The following ADAMTS19 variants were observed in gnomAD, a reference collection of about 807,000 sequenced individuals.
ADAMTS19 encodes ADAM metallopeptidase with thrombospondin type 1 motif 19.
In ADAMTS19, 93 loss-of-function variants were observed where a neutral mutation model predicts 153.3. The observed-to-expected ratio is 0.61, with a 90% CI of 0.51 to 0.72. ADAMTS19 has a LOEUF of 0.72. ADAMTS19 is among the 30% of genes least tolerant of loss of function. The probability of loss-of-function intolerance (pLI) is 0.00; values close to 1 mark genes in which losing one functional copy is unlikely to be tolerated. For synonymous variants in ADAMTS19, 600 were observed against 556.6 expected (o/e 1.08, Z -1.10); for missense variants, 1,482 against 1,552.1 (o/e 0.95, Z 0.76).
chr5:129,648,821 G>C lies in ADAMTS19; in HGVS notation c.2027G>C (p.Cys676Ser). 6.2e-7 allele frequency: 1 copy of C among 1,613,806 alleles called. No individual in the cohort carries two copies. Among genetic ancestry groups the C allele is most frequent in the Non-Finnish European group, 8.5e-7 (1 of 1,179,878 alleles). The change falls in exon 13 of 23, where the codon TGT (cysteine) becomes TCT (serine). Residue 676 changes from cysteine (C) to serine (S), a missense_variant. Cys to Ser is a moderately radical substitution (Grantham distance 112, BLOSUM62 -1). Transcript: ENST00000274487. ...CPGLDSEARD[C>S]NGPRKQYRIC... ...AGGCTAGATTCTGAAGCAAGGGATT[G>C]TAATGGTCCCAGAAAACAATACAGA...
chr5:129,619,792 C>T (rs986905499), intron 8 of ADAMTS19, among the ~76,000 whole-genome samples: 1 of 151,800 alleles, frequency 6.6e-6, no homozygotes, highest in African/African-American at 2.4e-5. Flanking sequence ...TTGAGTGAAA[C>T]ACTTAGAAGG....
At chr5:129,590,659 T>C (rs1241308775) in intron 7 of ADAMTS19, among the ~76,000 whole-genome samples, 1 of 152,212 alleles carries the variant, frequency 6.6e-6, no homozygotes, top group East Asian at 1.9e-4. Flanking sequence ...CGTAAGAGTA[T>C]TTTTACATTC....
intron 21 of ADAMTS19, among the ~76,000 whole-genome samples, chr5:129,730,928 T>TTTTTGTTTTGTTTTG (rs143197904): frequency 6.8e-6 from 1 of 147,326 alleles, no homozygotes; most frequent in Non-Finnish European, 1.5e-5. Flanking sequence ...TGTTGTTGTT[T>TTTTTGTTTTGTTTTG]TTTTGTTTTG....
intron 6 of ADAMTS19, among the ~76,000 whole-genome samples, chr5:129,548,899 C>T (rs1752962578): frequency 6.6e-6 from 1 of 150,604 alleles, no homozygotes; most frequent in South Asian, 2.1e-4. Flanking sequence ...AACTGGAAAC[C>T]ATCATTCTCA....
chr5:129,497,094 A>G (rs140108887), intron 2 of ADAMTS19, among the ~76,000 whole-genome samples: 19 of 152,200 alleles, frequency 1.2e-4, no homozygotes, highest in African/African-American at 4.6e-4. Context: ...TAAAATTTTA[A>G]GCCTGAGCAA....
chr5:129,547,642 A>C (rs1752910831), intron 6 of ADAMTS19, among the ~76,000 whole-genome samples: 1 of 150,620 alleles, frequency 6.6e-6, no homozygotes, highest in African/African-American at 2.5e-5. Flanking sequence ...TCAAGCTACC[A>C]ATGACTTTCT....
chr5:129,531,603 C>T (rs142809771), intron 6 of ADAMTS19, among the ~76,000 whole-genome samples: 4,505 of 152,016 alleles, frequency 0.03, 89 homozygotes, highest in South Asian at 0.063. Flanking sequence ...CCAGCCTGGG[C>T]GACTGAGCAA....
At chr5:129,602,826 C>CTGTGTGTGTGTGTGTGTGTG (rs56060749) in intron 8 of ADAMTS19, among the ~76,000 whole-genome samples, 106 of 146,618 alleles carry the variant, frequency 7.2e-4, no homozygotes, top group African/African-American at 2.6e-3. Flanking sequence ...CTTATATTCT[C>CTGTGTGTGTGTGTGTGTGTG]TGTGTGTGTG....
intron 6 of ADAMTS19, among the ~76,000 whole-genome samples, chr5:129,540,687 G>A (rs1404892976): frequency 1.3e-5 from 2 of 152,034 alleles, no homozygotes; most frequent in Admixed American, 1.3e-4. Flanking sequence ...ATTTTTGAAT[G>A]AATCACTTAT....
chr5:129,599,575 T>C (rs1489586496), intron 8 of ADAMTS19, among the ~76,000 whole-genome samples: 1 of 152,184 alleles, frequency 6.6e-6, no homozygotes, highest in African/African-American at 2.4e-5. Context: ...CTTCATTGTA[T>C]TCTAAAATGT....
chr5:129,591,830 G>A lies in ADAMTS19; in HGVS notation c.1373-4729G>A, dbSNP rs148657362. Among the ~76,000 whole-genome samples the A allele has an allele frequency of 2.0e-5, 3 of 152,172 alleles. No individual in the cohort carries two copies. In the East Asian group the frequency reaches 5.8e-4, roughly 30 times the overall value. ...AAAAACAGCACTTCTGGAGCCCAGA[G>A]ACTTAACTTTTGTTAGAATGCATCC... On this transcript the variant is annotated intron_variant, in intron 7 of 22. Transcript: ENST00000274487.
At chr5:129,622,063 T>C in intron 9 of ADAMTS19, 135 bp from the exon 10 acceptor site, 1 of 815,326 alleles carries the variant, frequency 1.2e-6, no homozygotes, top group East Asian at 2.7e-5. Flanking sequence ...TATAGAATAA[T>C]TTCTATGAGT....
At position 129,509,161 on chromosome 5, in the gene ADAMTS19, G is replaced by A. The variant is rs1751354358; in HGVS notation, c.832G>A (p.Val278Ile). 2 of 1,612,158 alleles carry A rather than the reference G, an allele frequency of 1.2e-6. No homozygotes were observed. The highest frequency in any genetic ancestry group is 1.1e-5 in the South Asian group (1 of 91,040). The change falls in exon 3 of 23, where the codon GTA (valine) becomes ATA (isoleucine). Residue 278 changes from valine (V) to isoleucine (I), a missense_variant. This residue lies in a region of ADAMTS19 where 866 missense variants were observed against 827.7 expected (regional missense o/e 1.05). Transcript: ENST00000274487. ...GGCCATAACAGGTCACCCACACCGT[G>A]TATATAGGCAGAAAAGGTCCATGGA... ...TMAITGHPHR[V>I]YRQKRSMEEK...
intron 7 of ADAMTS19, among the ~76,000 whole-genome samples, chr5:129,580,428 T>G (rs1749456592): frequency 6.6e-6 from 1 of 152,210 alleles, no homozygotes; most frequent in African/African-American, 2.4e-5. Context: ...CCTTTATTTA[T>G]TTCTCTTGCC....
chr5:129,717,949 T>A (rs930856674), intron 21 of ADAMTS19, among the ~76,000 whole-genome samples: 1 of 152,188 alleles, frequency 6.6e-6, no homozygotes, highest in African/African-American at 2.4e-5. Flanking sequence ...AAAAGGAAAT[T>A]TAATGATTGT....
intron 7 of ADAMTS19, among the ~76,000 whole-genome samples, chr5:129,562,178 A>C (rs1753548245): frequency 6.6e-6 from 1 of 152,206 alleles, no homozygotes; most frequent in Non-Finnish European, 1.5e-5. Flanking sequence ...TAACTCAAAC[A>C]ATCTCACAGT....
rs1181842305 is a variant in ADAMTS19 at position 129,461,445 on chromosome 5, G to A, written c.435G>A (p.Ser145=). 8.4e-6 allele frequency: 12 copies of A among 1,435,638 alleles called. No homozygotes were observed. In the South Asian group the frequency reaches 1.5e-4, roughly 18 times the overall value. The allele number at this position is 1,435,638 out of a possible 1,614,324, so 88.9% of individuals were successfully genotyped here. ...AAALSPGAPA[S]WQPPPPPQPP... ...CCTTGTCCCCGGGCGCCCCGGCCTC[G>A]TGGCAGCCGCCGCCTCCCCCGCAGC... The change falls in exon 2 of 23, where the codon TCG becomes TCA. Residue 145 remains serine (S), a synonymous_variant. Transcript: ENST00000274487. The surrounding 1 kb of genome is among the most constrained non-coding windows in gnomAD (Gnocchi z 4.6).
At chr5:129,551,974 A>T (rs1753138778) in intron 7 of ADAMTS19, 67 bp downstream of exon 7, 4 of 1,030,962 alleles carry the variant, frequency 3.9e-6, no homozygotes. Context: ...GTTTAAGTAT[A>T]GGAAATTATT....
chr5:129,504,864 C>T (rs998349810), intron 2 of ADAMTS19, among the ~76,000 whole-genome samples: 1 of 79,486 alleles, frequency 1.3e-5, no homozygotes, highest in African/African-American at 6.0e-5. Flanking sequence ...TCTGTCTACA[C>T]ACACACAGAC....
Sources: allele counts gnomAD v4.1 joint callset (sites outside exome capture counted in the v4.1 genomes callset), GRCh38; gene constraint gnomAD v4.1.1; regional missense constraint gnomAD v4.1.1; non-coding constraint Gnocchi (gnomAD v3.1); transcripts MANE v1.5; gene names NCBI Gene and HGNC (gene_info 2026-07-23, HGNC 2026-07-21).